MEIKIN: variants seen among roughly 807,000 people sequenced by gnomAD.
The protein encoded by MEIKIN is meiosis-specific kinetochore protein.
intron 5 of MEIKIN, 141 bp from the exon 6 acceptor site, chr5:131,922,082 A>G: frequency 2.6e-6 from 1 of 392,152 alleles, no homozygotes; most frequent in African/African-American, 2.1e-5. Context: ...ACAGAAAAAA[A>G]TAAGCCTTGA....
At chr5:131,897,932 C>T (rs570764442) in intron 8 of MEIKIN, among the ~76,000 whole-genome samples, 11 of 152,272 alleles carry the variant, frequency 7.2e-5, no homozygotes, top group African/African-American at 2.6e-4. Flanking sequence ...CTCCATCCAG[C>T]CTTGCTCTGT....
chr5:131,867,223 G>A (rs917872533), intron 9 of MEIKIN, among the ~76,000 whole-genome samples: 4 of 151,978 alleles, frequency 2.6e-5, no homozygotes, highest in Non-Finnish European at 5.9e-5. Flanking sequence ...TATTTTTTAG[G>A]TCAGTTTTGG....
At chr5:131,850,906 C>A (rs1426320041) in intron 11 of MEIKIN, among the ~76,000 whole-genome samples, 1 of 151,752 alleles carries the variant, frequency 6.6e-6, no homozygotes, top group African/African-American at 2.4e-5. Context: ...CTTGACTGCA[C>A]CCTGGCACTC....
intron 3 of MEIKIN, among the ~76,000 whole-genome samples, chr5:131,943,899 C>G (rs1751916940): frequency 6.6e-6 from 1 of 152,072 alleles, no homozygotes; most frequent in African/African-American, 2.4e-5. Flanking sequence ...GAGCAGATCA[C>G]TTGAGGTCAG....
chr5:131,864,766 T>C (rs1020427830), intron 9 of MEIKIN, among the ~76,000 whole-genome samples: 5 of 152,236 alleles, frequency 3.3e-5, no homozygotes, highest in Non-Finnish European at 7.3e-5. Context: ...AATCTCTTGT[T>C]AGACTTGAGA....
intron 7 of MEIKIN, among the ~76,000 whole-genome samples, chr5:131,914,451 G>A (rs1751380300): frequency 6.8e-6 from 1 of 146,180 alleles, no homozygotes; most frequent in African/African-American, 2.5e-5. Context: ...CAGACAGATG[G>A]AAGGAAGGGG....
chr5:131,883,380 A>G (rs1371110702), intron 8 of MEIKIN, among the ~76,000 whole-genome samples: 2 of 152,240 alleles, frequency 1.3e-5, no homozygotes, highest in Admixed American at 6.5e-5. Flanking sequence ...AAACTCCCAC[A>G]TTTAATGACT....
intron 5 of MEIKIN, among the ~76,000 whole-genome samples, chr5:131,925,653 A>C (rs2149649452): frequency 6.6e-6 from 1 of 152,024 alleles, no homozygotes; most frequent in Admixed American, 6.6e-5. Context: ...CGTTCAAATA[A>C]GTTTTTGTGT....
At chr5:131,905,468 A>G (rs1187357696) in intron 8 of MEIKIN, among the ~76,000 whole-genome samples, 8 of 152,032 alleles carry the variant, frequency 5.3e-5, no homozygotes. Flanking sequence ...AACTAAGATG[A>G]AAAAAAACAT....
In MEIKIN at chr5:131,913,770, T is replaced by A. The variant is rs141105115; in HGVS notation, c.639-1891A>T. Among the ~76,000 whole-genome samples, 123 of 152,312 alleles carry A rather than the reference T, an allele frequency of 8.1e-4. No individual in the cohort carries two copies. In the East Asian group the frequency reaches 8.5e-3, roughly 10 times the overall value. On this transcript the variant is annotated intron_variant, in intron 7 of 12. Transcript: ENST00000442687. ...TCATCAGTAAGGCCACTGTCCAAAC[T>A]CTAAGACAACATGAAAACCACATTT... is the stretch of plus-strand genomic sequence containing the variant.
intron 9 of MEIKIN, among the ~76,000 whole-genome samples, chr5:131,860,957 T>C (rs1450310069): frequency 6.6e-6 from 1 of 150,926 alleles, no homozygotes; most frequent in African/African-American, 2.4e-5. Context: ...GACATGGGGT[T>C]TTGCCATGTT....
In MEIKIN at chr5:131,921,890, A is replaced by C. The variant is rs1260052667; in HGVS notation, c.530T>G (p.Leu177Arg). 1 of 398,910 alleles carries C rather than the reference A, an allele frequency of 2.5e-6. No individual in the cohort carries two copies. The highest frequency in any genetic ancestry group is 2.1e-5 in the African/African-American group (1 of 48,620). 24.7% of individuals were successfully genotyped at this position (398,910 alleles called of 1,614,324 possible). A position where few individuals can be genotyped will look rare whatever the true frequency, so the allele number is the denominator to read the frequency against. The change falls in exon 6 of 13, where the codon CTT (leucine) becomes CGT (arginine). Residue 177 changes from leucine to arginine, a missense_variant. Physicochemically the swap from Leu to Arg is moderately radical, Grantham distance 102. Transcript: ENST00000442687. ...EEHMQWKNST[L>R]LDTSKAVAIE... ...CGCTACTGCTTTACTGGTATCCAGA[A>C]GAGTAGAATTCTTCCACTGCATGTG...
chr5:131,933,626 T>C lies in MEIKIN; in HGVS notation c.365A>G (p.His122Arg), dbSNP rs767478670. ...GCTCAGAAGAGAACTGGCCATACCA[T>C]GGTGCAAACTTAATCCTGTAGAATA... is the stretch of plus-strand genomic sequence containing the variant. The part of the protein sequence containing the change: ...SELVSGLSLH[H>R]GMASSLLSYS... The change falls in exon 5 of 13, where the codon CAT becomes CGT. Residue 122 changes from histidine (H) to arginine (R), a missense_variant. Transcript: ENST00000442687. 7.5e-6 allele frequency: 3 copies of C among 398,766 alleles called. No individual in the cohort carries two copies. The highest frequency in any genetic ancestry group is 1.3e-5 in the Non-Finnish European group (3 of 225,918). The allele number at this position is 398,766 out of a possible 1,614,324, so 24.7% of individuals were successfully genotyped here. A position where few individuals can be genotyped will look rare whatever the true frequency, so the allele number is the denominator to read the frequency against.
At chr5:131,814,987 C>G (rs141109370) in intron 12 of MEIKIN, among the ~76,000 whole-genome samples, 1 of 152,168 alleles carries the variant, frequency 6.6e-6, no homozygotes, top group Non-Finnish European at 1.5e-5. Flanking sequence ...TAGTTGATTA[C>G]ATTGAACTAC....
At chr5:131,870,480 T>C (rs1750469002) in intron 9 of MEIKIN, among the ~76,000 whole-genome samples, 1 of 152,164 alleles carries the variant, frequency 6.6e-6, no homozygotes, top group Admixed American at 6.5e-5. Context: ...TACTATTTCC[T>C]AGGACATTTC....
chr5:131,933,479 G>A, intron 5 of MEIKIN, 34 bp downstream of exon 5: 1 of 396,982 alleles, frequency 2.5e-6, no homozygotes, highest in Non-Finnish European at 4.4e-6. Flanking sequence ...AATTTCTATA[G>A]TAGAGCAATT....
At chr5:131,833,661 G>A (rs946333481) in intron 11 of MEIKIN, among the ~76,000 whole-genome samples, 1 of 151,830 alleles carries the variant, frequency 6.6e-6, no homozygotes, top group Non-Finnish European at 1.5e-5. Flanking sequence ...AAACCCATCA[G>A]ATCTTCTGAG....
At chr5:131,812,698 G>A (rs987029991) in intron 12 of MEIKIN, among the ~76,000 whole-genome samples, 1 of 152,040 alleles carries the variant, frequency 6.6e-6, no homozygotes, top group African/African-American at 2.4e-5. Flanking sequence ...TCTGCAATAG[G>A]TCGAGGTTGC....
chr5:131,896,879 T>C (rs1385624343), intron 8 of MEIKIN, among the ~76,000 whole-genome samples: 2 of 152,258 alleles, frequency 1.3e-5, no homozygotes, highest in African/African-American at 2.4e-5. Flanking sequence ...TAGCCCATTT[T>C]ACATTTAAGG....
Sources: allele counts gnomAD v4.1 joint callset (sites outside exome capture counted in the v4.1 genomes callset), GRCh38; gene constraint gnomAD v4.1.1; transcripts MANE v1.5; gene names NCBI Gene and HGNC (gene_info 2026-07-23, HGNC 2026-07-21).